Variants in ZDHHC20 observed in about 807,000 individuals in gnomAD.
ZDHHC20 encodes zDHHC palmitoyltransferase 20.
In ZDHHC20, 43 loss-of-function variants were observed where a neutral mutation model predicts 57.8. That is an observed-to-expected ratio of 0.74 (90% CI 0.58 to 0.96). The LOEUF (loss-of-function observed/expected upper bound fraction) is 0.96, where lower values mean the gene tolerates loss of function less well. Ranked by LOEUF, ZDHHC20 falls within the 40% of genes least tolerant of loss-of-function variation. The pLI is 0.00. For missense variants in ZDHHC20, 391 were observed against 441.1 expected, an observed-to-expected ratio of 0.89 and a Z score of 1.02; for synonymous variants, 157 against 153.0, an observed-to-expected ratio of 1.03 and a Z score of -0.19.
intron 1 of ZDHHC20, among the ~76,000 whole-genome samples, chr13:21,455,228 CT>C (rs1884812958): frequency 6.6e-6 from 1 of 152,132 alleles, no homozygotes; most frequent in African/African-American, 2.4e-5. Context: ...CAACATAGCT[CT>C]TTTGAGCAAT....
chr13:21,414,609 G>C (rs1031636406), intron 3 of ZDHHC20, among the ~76,000 whole-genome samples: 3 of 147,032 alleles, frequency 2.0e-5, no homozygotes, highest in African/African-American at 7.5e-5. Flanking sequence ...CTGACCTCGT[G>C]ATCTGCCCGC....
chr13:21,434,483 T>C (rs1307209742), intron 1 of ZDHHC20, among the ~76,000 whole-genome samples: 1 of 152,242 alleles, frequency 6.6e-6, no homozygotes, highest in African/African-American at 2.4e-5. Flanking sequence ...GTCTTAGTCT[T>C]GGGTCCACAA....
chr13:21,406,892 TA>T (rs976697374), intron 4 of ZDHHC20, among the ~76,000 whole-genome samples: 1 of 152,230 alleles, frequency 6.6e-6, no homozygotes, highest in Non-Finnish European at 1.5e-5. Context: ...TTTGGGTATA[TA>T]CCCAGTAATA....
At chr13:21,434,354 A>G (rs747131162) in intron 1 of ZDHHC20, among the ~76,000 whole-genome samples, 1 of 152,218 alleles carries the variant, frequency 6.6e-6, no homozygotes, top group Non-Finnish European at 1.5e-5. Flanking sequence ...TGCCAGTAAT[A>G]TGATTACTTA....
In ZDHHC20 at chr13:21,393,699, C is replaced by CAAAAAA. The variant is rs71093307; in HGVS notation, c.595-1851_595-1846dup. Reference sequence around the variant, plus strand: ...AGCCTGGGCGACACAGCAAGTCTCACAAAAAAAAAAAAAAAAAAAAAAAAA... The same window carrying CAAAAAA: ...AGCCTGGGCGACACAGCAAGTCTCACAAAAAAAAAAAAAAAAAAAAAAAAAAAAAAA... On this transcript the variant is annotated intron_variant, in intron 7 of 12. Transcript: ENST00000400590. 5.2e-4 allele frequency among the ~76,000 whole-genome samples: 33 copies of CAAAAAA among 63,412 alleles called. 1 individual carries two copies. The highest frequency in any genetic ancestry group is 1.7e-3 in the Admixed American group (8 of 4,800). The allele number at this position is 63,412 out of a possible 152,430, so 41.6% of individuals were successfully genotyped here.
intron 5 of ZDHHC20, among the ~76,000 whole-genome samples, chr13:21,402,485 A>C (rs1354532324): frequency 6.6e-6 from 1 of 152,204 alleles, no homozygotes; most frequent in Non-Finnish European, 1.5e-5. Flanking sequence ...TGGGATTCCA[A>C]ACTAACGATC....
At chr13:21,390,774 C>T (rs769209405) in intron 8 of ZDHHC20, among the ~76,000 whole-genome samples, 11 of 151,932 alleles carry the variant, frequency 7.2e-5, no homozygotes, top group Admixed American at 2.6e-4. Context: ...GTAGTGCACA[C>T]CTGTAGACCC....
intron 7 of ZDHHC20, among the ~76,000 whole-genome samples, chr13:21,396,842 A>AAAAAAG (rs5802110): frequency 3.0e-4 from 45 of 148,146 alleles, no homozygotes; most frequent in African/African-American, 1.0e-3. Context: ...CAAAAAAAAA[A>AAAAAAG]AAAGAAAGAA....
intron 1 of ZDHHC20, among the ~76,000 whole-genome samples, chr13:21,441,861 A>T (rs1026368290): frequency 6.6e-6 from 1 of 152,134 alleles, no homozygotes; most frequent in Non-Finnish European, 1.5e-5. Context: ...TAATCTGCAC[A>T]CAGAAATAGT....
intron 7 of ZDHHC20, among the ~76,000 whole-genome samples, chr13:21,396,729 A>G (rs1036387879): frequency 5.3e-5 from 8 of 152,030 alleles, no homozygotes; most frequent in Non-Finnish European, 1.2e-4. Context: ...GCTACTCAGG[A>G]GGCGAAGGCA....
chr13:21,392,987 C>T (rs918143726), intron 7 of ZDHHC20, among the ~76,000 whole-genome samples: 6 of 152,186 alleles, frequency 3.9e-5, no homozygotes, highest in Non-Finnish European at 7.4e-5. Flanking sequence ...AGACTTCCTG[C>T]GGCAAAGCTT....
chr13:21,421,217 A>C (rs1292879171), intron 2 of ZDHHC20, 53 bp from the exon 3 acceptor site: 1 of 1,435,978 alleles, frequency 7.0e-7, no homozygotes, highest in Non-Finnish European at 9.7e-7. Flanking sequence ...AAACAGCAAA[A>C]AGCATTACAT....
At chr13:21,436,560 G>A (rs1414817477) in intron 1 of ZDHHC20, among the ~76,000 whole-genome samples, 1 of 152,022 alleles carries the variant, frequency 6.6e-6, no homozygotes, top group East Asian at 1.9e-4. Context: ...TAATTGTTTT[G>A]GAGTACCACC....
chr13:21,420,052 TGAGGCGGGTGGATCACCCGAGGCCAGGAG>T (rs1880471973), intron 3 of ZDHHC20, among the ~76,000 whole-genome samples: 1 of 152,150 alleles, frequency 6.6e-6, no homozygotes, highest in Non-Finnish European at 1.5e-5. Flanking sequence ...TTTGGGAGGC[TGAGGCGGGTGGATCACCCGAGGCCAGGAG>T]TTCAGGACCA....
chr13:21,402,861 T>C lies in ZDHHC20; in HGVS notation c.376A>G (p.Arg126Gly). 6.3e-7 allele frequency: 1 copy of C among 1,590,398 alleles called. No individual in the cohort carries two copies. The highest frequency in any genetic ancestry group is 8.6e-7 in the Non-Finnish European group (1 of 1,167,526). The change falls in exon 5 of 13, where the codon AGA becomes GGA. Residue 126 changes from arginine (R) to glycine (G), a missense_variant. Around this residue, in one of 3 missense-constraint regions of ZDHHC20, gnomAD observed 185 missense variants for 188.0 expected, o/e 0.98. Coordinates refer to ENST00000400590, the MANE Select transcript of ZDHHC20 (RefSeq NM_001330059.2). Reference sequence around the variant, plus strand: ...ATCAGCTGACATTTTTCACAATATCTGATAGCTACATGAAAGAAGTAAAAG... The same window carrying C: ...ATCAGCTGACATTTTTCACAATATCCGATAGCTACATGAAAGAAGTAAAAG... ...IYTTSASKTIRYCEKCQLIKP... is the reference protein window; with the variant it reads ...IYTTSASKTIGYCEKCQLIKP...
intron 1 of ZDHHC20, among the ~76,000 whole-genome samples, chr13:21,452,879 A>C (rs1367240166): frequency 2.0e-5 from 3 of 152,188 alleles, no homozygotes; most frequent in Non-Finnish European, 2.9e-5. Context: ...AAAATTGTAA[A>C]GATCAATTAA....
chr13:21,417,690 C>A (rs976702165), intron 3 of ZDHHC20, among the ~76,000 whole-genome samples: 1 of 152,104 alleles, frequency 6.6e-6, no homozygotes, highest in African/African-American at 2.4e-5. Context: ...CCACCTGCCT[C>A]GGCCTCCCAA....
At position 21,451,802 on chromosome 13, in the gene ZDHHC20, C is replaced by A. The variant is rs1022395947; in HGVS notation, c.118+7252G>T. On this transcript the variant is annotated intron_variant, in intron 1 of 12. Coordinates refer to ENST00000400590, the MANE Select transcript of ZDHHC20 (RefSeq NM_001330059.2). ...GTCAGGAGTTCAAGACTAGCCTGGC[C>A]AACATGGTGAAACCCTGTCTCTACT... Among the ~76,000 whole-genome samples, 11 of 151,972 alleles carry A rather than the reference C, an allele frequency of 7.2e-5. 1 individual carries two copies. The South Asian group carries it at 2.3e-3, about 32-fold the overall frequency.
intron 2 of ZDHHC20, 31 bp from the exon 3 acceptor site, chr13:21,421,195 GAATCCAGGT>G (rs1566095262): frequency 6.3e-7 from 1 of 1,575,142 alleles, no homozygotes; most frequent in African/African-American, 1.3e-5. Flanking sequence ...ACAGTTCATT[GAATCCAGGT>G]GAAAACAGCA....
Sources: gnomAD v4.1 joint callset for allele counts (sites outside exome capture counted in the v4.1 genomes callset) on GRCh38, gnomAD v4.1.1 for gene constraint, gnomAD v4.1.1 regional missense constraint, MANE v1.5 for transcripts, NCBI Gene and HGNC (gene_info 2026-07-23, HGNC 2026-07-21) for gene names.